SPAG16: variants seen among roughly 807,000 people sequenced by gnomAD.
SPAG16 encodes the protein sperm associated antigen 16.
A neutral mutation model predicts 80.4 loss-of-function variants in SPAG16; 86 were observed. The observed-to-expected ratio is 1.07, with a 90% CI of 0.90 to 1.28. SPAG16 has a LOEUF of 1.28. Ranked by LOEUF, SPAG16 falls within the 50% of genes most tolerant of loss-of-function variation. SPAG16 has a pLI of 0.00. For synonymous variants in SPAG16, 294 were observed against 265.9 expected (o/e 1.11, Z -1.03); for missense variants, 870 against 765.3 (o/e 1.14, Z -1.61).
At chr2:213,756,948 A>G (rs550356074) in intron 10 of SPAG16, among the ~76,000 whole-genome samples, 51 of 152,328 alleles carry the variant, frequency 3.3e-4, no homozygotes, top group African/African-American at 1.2e-3. Context: ...TTTATAGAGC[A>G]AAGAGGGAAT....
intron 10 of SPAG16, among the ~76,000 whole-genome samples, chr2:213,744,331 A>T (rs2067716184): frequency 1.3e-5 from 2 of 152,180 alleles, no homozygotes; most frequent in Admixed American, 1.3e-4. Context: ...TGTTGGCTGG[A>T]AACTGGATTT....
chr2:213,754,738 G>A (rs1447191211), intron 10 of SPAG16, among the ~76,000 whole-genome samples: 2 of 151,818 alleles, frequency 1.3e-5, no homozygotes, highest in Non-Finnish European at 2.9e-5. Flanking sequence ...TCATTCACCT[G>A]ATGAATGCAA....
intron 5 of SPAG16, among the ~76,000 whole-genome samples, chr2:213,338,371 A>C (rs2064493854): frequency 6.6e-6 from 1 of 152,170 alleles, no homozygotes; most frequent in Non-Finnish European, 1.5e-5. Context: ...TAAAATATTA[A>C]CCTTAAATGT....
chr2:213,481,254 G>A (rs2073734553), intron 9 of SPAG16, among the ~76,000 whole-genome samples: 1 of 152,126 alleles, frequency 6.6e-6, no homozygotes, highest in Admixed American at 6.6e-5. Context: ...TAGGTTACAT[G>A]CTGCTAGGTA....
chr2:213,383,923 A>G (rs571861837), intron 9 of SPAG16, among the ~76,000 whole-genome samples: 1 of 152,312 alleles, frequency 6.6e-6, no homozygotes, highest in African/African-American at 2.4e-5. Context: ...CTGAATGCAC[A>G]TTGCTTCTAA....
intron 14 of SPAG16, among the ~76,000 whole-genome samples, chr2:214,146,576 G>A (rs544023695): frequency 3.3e-5 from 5 of 152,278 alleles, no homozygotes; most frequent in African/African-American, 1.2e-4. Context: ...GCTCTGCTAT[G>A]CTCCAAACAC....
intron 10 of SPAG16, among the ~76,000 whole-genome samples, chr2:213,837,892 T>C (rs191924302): frequency 1.3e-5 from 2 of 152,266 alleles, no homozygotes; most frequent in East Asian, 3.9e-4. Context: ...GAAGATGCTA[T>C]GCCACTGGCT....
chr2:214,068,111 A>T (rs929306052), intron 13 of SPAG16, among the ~76,000 whole-genome samples: 3 of 152,176 alleles, frequency 2.0e-5, no homozygotes, highest in African/African-American at 7.2e-5. Context: ...CTCCTAAGAC[A>T]TTAAAGCTAG....
chr2:213,683,484 G>A (rs1203268068), intron 10 of SPAG16, among the ~76,000 whole-genome samples: 1 of 151,978 alleles, frequency 6.6e-6, no homozygotes, highest in Non-Finnish European at 1.5e-5. Flanking sequence ...ACAGGATGCA[G>A]AGGTTGCAGT....
intron 11 of SPAG16, among the ~76,000 whole-genome samples, chr2:213,921,193 G>C (rs2078207141): frequency 6.6e-6 from 1 of 152,166 alleles, no homozygotes. Context: ...TGTTCCACCT[G>C]GTTGTGTCAA....
At chr2:213,341,262 AG>A (rs772501781) in intron 6 of SPAG16, among the ~76,000 whole-genome samples, 53 of 152,312 alleles carry the variant, frequency 3.5e-4, no homozygotes, top group Non-Finnish European at 3.8e-4. Context: ...GATGCCATCA[AG>A]TCACAAAACT....
In SPAG16 at chr2:213,589,491, A is replaced by C. The variant is rs373137267; in HGVS notation, c.1070+99401A>C. 1.2e-4 allele frequency among the ~76,000 whole-genome samples: 18 copies of C among 152,310 alleles called. No individual in the cohort carries two copies. In the East Asian group the frequency reaches 3.5e-3, roughly 29 times the overall value. Reference sequence around the variant, plus strand: ...AAATTGCTCCAGATTTTATAATACAAATTGGAGCAGATGGGACTGTGAGAG... The same window carrying C: ...AAATTGCTCCAGATTTTATAATACACATTGGAGCAGATGGGACTGTGAGAG... On this transcript the variant is annotated intron_variant, in intron 10 of 15. Coordinates refer to ENST00000331683, the MANE Select transcript of SPAG16 (RefSeq NM_024532.5).
chr2:214,380,698 G>A (rs890204161), intron 15 of SPAG16, among the ~76,000 whole-genome samples: 14 of 152,164 alleles, frequency 9.2e-5, no homozygotes, highest in Admixed American at 7.2e-4. Flanking sequence ...TTCACAAAAC[G>A]TTTTTTCACG....
In SPAG16 at chr2:213,340,260, G is replaced by A. The variant is rs777965661; in HGVS notation, c.634G>A (p.Asp212Asn). The stretch of plus-strand genomic sequence containing the variant: ...CCAGGAAAAAAACAAATTAATTAAT[G>A]ACCTCAAAGGGTAAGCTTATACTTG... ...IVQEKNKLIN[D>N]LKGLKLHYAS... Residue 212 changes from aspartate to asparagine, a missense_variant, in exon 6 of 16, where the codon GAC (aspartate) becomes AAC (asparagine). Coordinates refer to ENST00000331683, the MANE Select transcript of SPAG16 (RefSeq NM_024532.5). 3.6e-5 allele frequency: 57 copies of A among 1,592,718 alleles called. No individual in the cohort carries two copies. The highest frequency in any genetic ancestry group is 4.5e-5 in the Non-Finnish European group (52 of 1,162,210).
chr2:213,697,766 C>T (rs1334984756), intron 10 of SPAG16, among the ~76,000 whole-genome samples: 1 of 152,126 alleles, frequency 6.6e-6, no homozygotes, highest in African/African-American at 2.4e-5. Context: ...TTTATCCTCT[C>T]TCTTCTTTCA....
intron 10 of SPAG16, among the ~76,000 whole-genome samples, chr2:213,856,022 G>A (rs376378991): frequency 1.4e-4 from 22 of 152,098 alleles, no homozygotes; most frequent in South Asian, 1.0e-3. Context: ...CCAAATTCTC[G>A]TCTGAGACAA....
intron 15 of SPAG16, among the ~76,000 whole-genome samples, chr2:214,339,032 G>C (rs879380831): frequency 2.0e-5 from 3 of 152,116 alleles, no homozygotes; most frequent in Admixed American, 2.0e-4. Flanking sequence ...TATTTCATAA[G>C]TATTCAACCA....
chr2:213,926,487 T>G (rs929576632), intron 11 of SPAG16, among the ~76,000 whole-genome samples: 3 of 152,148 alleles, frequency 2.0e-5, no homozygotes, highest in Non-Finnish European at 4.4e-5. Flanking sequence ...AGTGAGAACA[T>G]ATCATGTTTT....
intron 15 of SPAG16, among the ~76,000 whole-genome samples, chr2:214,285,206 A>T (rs1289836548): frequency 2.0e-5 from 3 of 152,086 alleles, no homozygotes; most frequent in African/African-American, 7.2e-5. Context: ...TTTCAATAGT[A>T]TTTCCCTGAT....
Sources: allele counts gnomAD v4.1 joint callset (sites outside exome capture counted in the v4.1 genomes callset), GRCh38; gene constraint gnomAD v4.1.1; transcripts MANE v1.5; gene names NCBI Gene and HGNC (gene_info 2026-07-23, HGNC 2026-07-21).